The following IGSF5 variants were observed in gnomAD, a reference collection of about 807,000 sequenced individuals.
IGSF5 encodes the protein immunoglobulin superfamily 5 like.
IGSF5 carries 41 observed loss-of-function variants against 39.4 expected under a neutral mutation model. The ratio of observed to expected loss-of-function variants is 1.04; its 90% CI spans 0.81 to 1.35. IGSF5 has a LOEUF of 1.35. Among genes scored for constraint, IGSF5 ranks in the 40% most tolerant of loss-of-function variants. The pLI, the probability that IGSF5 is intolerant of heterozygous loss-of-function variation, is 0.00. For missense variants in IGSF5, 487 were observed against 494.6 expected (o/e 0.98, Z 0.15); for synonymous variants, 183 against 175.3 (o/e 1.04, Z -0.34).
intron 8 of IGSF5, among the ~76,000 whole-genome samples, chr21:39,794,150 G>A (rs1308187189): frequency 5.3e-5 from 8 of 152,192 alleles, no homozygotes; most frequent in Admixed American, 4.6e-4. Flanking sequence ...GTCGGGGTTA[G>A]AATTTTAGAG....
At chr21:39,726,808 GA>G in the IGSF5 span, among the ~76,000 whole-genome samples, 3 of 152,164 alleles carry the variant, frequency 2.0e-5, no homozygotes, top group South Asian at 6.2e-4. Context: ...ATCTCAAACA[GA>G]AACCTGCATA....
At chr21:39,739,314 T>C in the IGSF5 span, among the ~76,000 whole-genome samples, 1 of 151,730 alleles carries the variant, frequency 6.6e-6, no homozygotes, top group Non-Finnish European at 1.5e-5. Context: ...AGAGCTCCCA[T>C]ACAAAAGGAG....
chr21:39,745,431 A>G lies in IGSF5; in HGVS notation c.-79A>G. ...AACCATTAGTACCTAGGAGGCAGGG[A>G]TCAGAGGAAGTAGATTCAGAGGTAA... is the stretch of plus-strand genomic sequence containing the variant. On this transcript the variant is annotated 5_prime_UTR_variant, in exon 1 of 9. Transcript: ENST00000380588. 1.4e-6 allele frequency: 1 copy of G among 698,514 alleles called. No individual in the cohort carries two copies. The highest frequency in any genetic ancestry group is 2.6e-6 in the Non-Finnish European group (1 of 380,694). 43.3% of individuals were successfully genotyped at this position (698,514 alleles called of 1,614,324 possible).
intron 6 of IGSF5, among the ~76,000 whole-genome samples, chr21:39,790,249 G>A (rs1468858716): frequency 2.0e-5 from 3 of 152,190 alleles, no homozygotes; most frequent in African/African-American, 7.2e-5. Flanking sequence ...ACCGTGGCAC[G>A]TGAGTGTCAG....
intron 6 of IGSF5, among the ~76,000 whole-genome samples, chr21:39,790,697 G>T (rs1255200556): frequency 6.6e-6 from 1 of 152,128 alleles, no homozygotes; most frequent in Non-Finnish European, 1.5e-5. Flanking sequence ...CAACTACTCT[G>T]AGTACTATTG....
intron 6 of IGSF5, 36 bp from the exon 7 acceptor site, chr21:39,791,972 A>G (rs1055810299): frequency 7.0e-7 from 1 of 1,428,266 alleles, no homozygotes; most frequent in Admixed American, 1.8e-5. Context: ...TGTTAATGCC[A>G]ACAATTAACA....
At position 39,745,370 on chromosome 21, in the gene IGSF5, T is replaced by C; in HGVS notation, c.-140T>C. 1 of 602,390 alleles carries C rather than the reference T, an allele frequency of 1.7e-6. No homozygotes were observed. Among genetic ancestry groups the C allele is most frequent in the South Asian group, 1.8e-5 (1 of 54,542 alleles). The allele number at this position is 602,390 out of a possible 1,614,324, so 37.3% of individuals were successfully genotyped here. On this transcript the variant is annotated 5_prime_UTR_variant, in exon 1 of 9. Transcript: ENST00000380588. ...CAGCGTAGGGCTTCCTTAGATCCCT[T>C]TGGAGATACAACCTGCTAGAGGAAA...
chr21:39,736,061 G>A, the IGSF5 span, among the ~76,000 whole-genome samples: 1 of 152,068 alleles, frequency 6.6e-6, no homozygotes, highest in Non-Finnish European at 1.5e-5. Context: ...TCACTTCCTT[G>A]CATTCAGTAT....
intron 7 of IGSF5, among the ~76,000 whole-genome samples, chr21:39,792,550 A>C (rs1569259709): frequency 6.6e-6 from 1 of 152,002 alleles, no homozygotes; most frequent in Non-Finnish European, 1.5e-5. Context: ...TTTTTTCCCC[A>C]TGCTTTCTTT....
At chr21:39,731,060 C>T in the IGSF5 span, among the ~76,000 whole-genome samples, 7 of 152,194 alleles carry the variant, frequency 4.6e-5, no homozygotes, top group Admixed American at 1.3e-4. Flanking sequence ...AGCTGACACC[C>T]GAGGCCCATC....
chr21:39,801,304 G>A lies in IGSF5; in HGVS notation c.1171G>A (p.Ala391Thr). The A allele has an allele frequency of 1.2e-6, 2 of 1,614,126 alleles. No homozygotes were observed. Among genetic ancestry groups the A allele is most frequent in the Non-Finnish European group, 1.7e-6 (2 of 1,180,006 alleles). ...ACCCAGGCCAGCAAGTCATCCACAG[G>A]CTTCTTTTAATCTGGCCAGTCCTGA... Reference protein sequence around the residue: ...RPPRPASHPQASFNLASPEKV... With the variant: ...RPPRPASHPQTSFNLASPEKV... Residue 391 changes from alanine (A) to threonine (T), a missense_variant, in exon 9 of 9, where the codon GCT (alanine) becomes ACT (threonine). Ala to Thr is a moderately conservative substitution (Grantham distance 58). Transcript: ENST00000380588.
intron 2 of IGSF5, among the ~76,000 whole-genome samples, chr21:39,749,102 T>C (rs918027714): frequency 7.9e-5 from 12 of 152,050 alleles, no homozygotes; most frequent in African/African-American, 2.9e-4. Flanking sequence ...GGCTCATTAA[T>C]AGAGTTAAAG....
At chr21:39,751,839 C>G (rs2837150) in intron 2 of IGSF5, among the ~76,000 whole-genome samples, 124,048 of 151,884 alleles carry the variant, frequency 0.82, 50,837 homozygotes, top group Admixed American at 0.86. Flanking sequence ...AAGTAGAATT[C>G]TCCCAAAGTC....
the IGSF5 span, among the ~76,000 whole-genome samples, chr21:39,719,129 T>A: frequency 1.3e-5 from 2 of 152,218 alleles, no homozygotes; most frequent in South Asian, 2.1e-4. Context: ...TTCTAGTTTG[T>A]GTGCATAGAG....
the IGSF5 span, among the ~76,000 whole-genome samples, chr21:39,725,544 G>T: frequency 3.3e-5 from 5 of 152,158 alleles, no homozygotes; most frequent in African/African-American, 1.2e-4. Flanking sequence ...AAAACCCCAT[G>T]TTTTTAAACA....
chr21:39,769,743 A>T (rs2080105014), intron 3 of IGSF5, among the ~76,000 whole-genome samples: 1 of 152,036 alleles, frequency 6.6e-6, no homozygotes. Context: ...TAAAAATGTG[A>T]TTCGTTTCCA....
intron 8 of IGSF5, among the ~76,000 whole-genome samples, chr21:39,798,866 T>A (rs992953599): frequency 6.6e-6 from 1 of 152,168 alleles, no homozygotes; most frequent in African/African-American, 2.4e-5. Flanking sequence ...AAACCGTTAG[T>A]TATCCCCTGA....
chr21:39,783,084 A>G (rs1601137482), intron 5 of IGSF5, among the ~76,000 whole-genome samples: 1 of 152,132 alleles, frequency 6.6e-6, no homozygotes, highest in East Asian at 1.9e-4. Context: ...ATAGTATTCC[A>G]TTGCGTACAC....
the IGSF5 span, among the ~76,000 whole-genome samples, chr21:39,726,672 C>A: frequency 1.1e-4 from 17 of 152,202 alleles, no homozygotes; most frequent in Admixed American, 1.3e-4. Context: ...TTACATCTGG[C>A]CCCTTCAATT....
Sources: gnomAD v4.1 joint callset for allele counts (sites outside exome capture counted in the v4.1 genomes callset) on GRCh38, gnomAD v4.1.1 for gene constraint, MANE v1.5 for transcripts, NCBI Gene and HGNC (gene_info 2026-07-23, HGNC 2026-07-21) for gene names.